Variants in ABL2 observed in about 807,000 individuals in gnomAD.
ABL2 encodes ABL proto-oncogene 2, non-receptor tyrosine kinase, also known as tyrosine-protein kinase ABL2.
In ABL2, 49 loss-of-function variants were observed where a neutral mutation model predicts 107.7. The observed-to-expected ratio is 0.45, with a 90% CI of 0.36 to 0.58. ABL2 has a LOEUF of 0.58. Among genes scored for constraint, ABL2 ranks in the 20% least tolerant of loss-of-function variants. ABL2 has a pLI of 0.00. For missense variants in ABL2, 1,245 were observed against 1,457.0 expected (o/e 0.85, Z 2.37); for synonymous variants, 549 against 548.6 (o/e 1.00, Z -0.01).
Position 179,134,715 on chromosome 1 carries a change from TCCCTCTCCCTCTCCCTCTCCACGGTCG to T in ABL2, c.158-1368_158-1342del, listed in dbSNP as rs1205162446. 1.5e-3 allele frequency among the ~76,000 whole-genome samples: 92 copies of T among 59,586 alleles called. 1 individual carries two copies. Among genetic ancestry groups the T allele is most frequent in the South Asian group, 8.9e-3 (18 of 2,022 alleles). 39.1% of individuals were successfully genotyped at this position (59,586 alleles called of 152,430 possible). ...AGGTGAAAATTGCAGCCTCAGCCTCTCCCTCTCCCTCTCCCTCTCCACGGTCGCCCTCTCCCTCTTTCCACGGTCTCC... is the reference window on the plus strand; with the variant it reads ...AGGTGAAAATTGCAGCCTCAGCCTCTCCCTCTCCCTCTTTCCACGGTCTCC... On this transcript the variant is annotated intron_variant, in intron 1 of 11. Transcript: ENST00000502732.
rs1028046717 is a variant in ABL2 at position 179,108,363 on chromosome 1, G to T, written c.2904C>A (p.Ser968=). ...GTCGGGGTCGGTCCTTGTCTCCAGA[G>T]GATGTGACCTGATGCTCAGATAAGA... ...FKLLSEHQVT[S]SGDKDRPRRV... The change falls in exon 12 of 12, where the codon TCC becomes TCA. Residue 968 remains serine, a synonymous_variant. Coordinates refer to ENST00000502732, the MANE Select transcript of ABL2 (RefSeq NM_007314.4). The T allele has an allele frequency of 6.2e-7, 1 of 1,614,242 alleles. No homozygotes were observed. The highest frequency in any genetic ancestry group is 1.3e-5 in the African/African-American group (1 of 75,054).
At chr1:179,123,427 C>T (rs544863888) in intron 4 of ABL2, among the ~76,000 whole-genome samples, 1 of 152,154 alleles carries the variant, frequency 6.6e-6, no homozygotes, top group East Asian at 1.9e-4. Context: ...ATTGCTTGAA[C>T]CTGGGAGGTG....
intron 1 of ABL2, among the ~76,000 whole-genome samples, chr1:179,200,409 T>C (rs1661598816): frequency 6.6e-6 from 1 of 152,196 alleles, no homozygotes; most frequent in African/African-American, 2.4e-5. Context: ...CTGAATAATA[T>C]ATTTCTATAC....
At chr1:179,128,039 A>G (rs1220010134) in intron 3 of ABL2, among the ~76,000 whole-genome samples, 2 of 151,872 alleles carry the variant, frequency 1.3e-5, no homozygotes, top group Non-Finnish European at 2.9e-5. Flanking sequence ...CTAAAAAAAA[A>G]AAAAAAAGCA....
At position 179,120,287 on chromosome 1, in the gene ABL2, AAAGGT is replaced by A; in HGVS notation, c.961-18_961-14del. ...CCATGGTATCTTCCTAGAAAAAGGG[AAAGGT>A]AAGAAAGAAGAAAACGAGAGGGACA... On this transcript the variant is annotated splice_polypyrimidine_tract_variant and intron_variant, in intron 5 of 11. Transcript: ENST00000502732. The A allele has an allele frequency of 6.4e-7, 1 of 1,569,070 alleles. No individual in the cohort carries two copies.
rs371957527 is a variant in ABL2 at position 179,127,530 on chromosome 1, T to A, written c.392-858A>T. On this transcript the variant is annotated intron_variant, in intron 3 of 11. Transcript: ENST00000502732. ...AACATCAAGTTCAGACTTCAACATATAACTTGCCCCGATACTTGCAGCACA... is the reference window on the plus strand; with the variant it reads ...AACATCAAGTTCAGACTTCAACATAAAACTTGCCCCGATACTTGCAGCACA... 1.6e-4 allele frequency among the ~76,000 whole-genome samples: 25 copies of A among 152,334 alleles called. 1 individual carries two copies. The East Asian group carries it at 4.8e-3, about 29-fold the overall frequency.
intron 7 of ABL2, among the ~76,000 whole-genome samples, chr1:179,117,893 T>C (rs1572629186): frequency 6.8e-6 from 1 of 146,120 alleles, no homozygotes; most frequent in South Asian, 2.2e-4. Flanking sequence ...CCAAGGTGGG[T>C]GTATCTCCTG....
At chr1:179,176,088 C>G (rs772076439) in intron 1 of ABL2, among the ~76,000 whole-genome samples, 22 of 152,004 alleles carry the variant, frequency 1.4e-4, no homozygotes, top group South Asian at 6.2e-4. Context: ...CTCCTGACCT[C>G]AAGTGACCCG....
At chr1:179,121,571 A>G (rs759770131) in intron 5 of ABL2, 24 bp downstream of exon 5, 21 of 1,601,032 alleles carry the variant, frequency 1.3e-5, no homozygotes, top group Non-Finnish European at 1.7e-5. Flanking sequence ...AGATGCCTGA[A>G]AACTGTAATT....
At chr1:179,196,764 A>T (rs372595761) in intron 1 of ABL2, among the ~76,000 whole-genome samples, 1 of 151,192 alleles carries the variant, frequency 6.6e-6, no homozygotes, top group African/African-American at 2.4e-5. Context: ...TCAGTCTTAA[A>T]AAACAAACAA....
chr1:179,127,623 T>TA (rs1655857518), intron 3 of ABL2, among the ~76,000 whole-genome samples: 1 of 152,234 alleles, frequency 6.6e-6, no homozygotes, highest in Non-Finnish European at 1.5e-5. Context: ...AATGCTAATC[T>TA]AAAGAATCCT....
At chr1:179,129,360 A>G (rs1379834312) in intron 3 of ABL2, among the ~76,000 whole-genome samples, 1 of 152,218 alleles carries the variant, frequency 6.6e-6, no homozygotes, top group Non-Finnish European at 1.5e-5. Context: ...AAAATCAAGT[A>G]TATTGTAGTC....
At chr1:179,179,392 G>T (rs538899442) in intron 1 of ABL2, among the ~76,000 whole-genome samples, 1 of 151,646 alleles carries the variant, frequency 6.6e-6, no homozygotes, top group African/African-American at 2.4e-5. Context: ...TTTAAAAGCC[G>T]AGATATTCAA....
Position 179,198,215 on chromosome 1 carries a change from A to G in ABL2, c.157+31026T>C, listed in dbSNP as rs1428377777. Among the ~76,000 whole-genome samples the G allele has an allele frequency of 7.3e-5, 11 of 151,094 alleles. No homozygotes were observed. The South Asian group carries it at 2.1e-3, about 29-fold the overall frequency. On this transcript the variant is annotated intron_variant, in intron 1 of 11. Coordinates refer to ENST00000502732, the MANE Select transcript of ABL2 (RefSeq NM_007314.4). ...AGTTTTCCAGGTGATTTTGATACAC[A>G]CTCCTAGTTTAAAAGAGAAGGAAAA...
At chr1:179,123,060 T>C (rs1655376062) in intron 4 of ABL2, among the ~76,000 whole-genome samples, 1 of 152,212 alleles carries the variant, frequency 6.6e-6, no homozygotes, top group Admixed American at 6.5e-5. Flanking sequence ...GGACTTGGCC[T>C]CTTGTAGAAA....
intron 1 of ABL2, among the ~76,000 whole-genome samples, chr1:179,228,314 T>A (rs1663344507): frequency 6.6e-6 from 1 of 151,680 alleles, no homozygotes; most frequent in Admixed American, 6.6e-5. Context: ...GCCATTGCAC[T>A]CCATCATGGG....
At chr1:179,184,792 C>T (rs897157844) in intron 1 of ABL2, among the ~76,000 whole-genome samples, 4 of 152,056 alleles carry the variant, frequency 2.6e-5, no homozygotes, top group Non-Finnish European at 4.4e-5. Context: ...GGCTCACTTG[C>T]CCTGTTCTTG....
chr1:179,216,844 C>G (rs550334287), intron 1 of ABL2, among the ~76,000 whole-genome samples: 1 of 151,730 alleles, frequency 6.6e-6, no homozygotes, highest in Non-Finnish European at 1.5e-5. Flanking sequence ...CCACCATGCC[C>G]GGCTAATTTT....
At position 179,107,996 on chromosome 1, in the gene ABL2, C is replaced by T. The variant is rs1483393971; in HGVS notation, c.3271G>A (p.Glu1091Lys). The change falls in exon 12 of 12, where the codon GAA becomes AAA. Residue 1091 changes from glutamate (E) to lysine (K), a missense_variant. This residue lies in a region of ABL2 where 761 missense variants were observed against 766.4 expected (regional missense o/e 0.99). Transcript: ENST00000502732. ...GCACTGGACAGTAGGTCAGCACATT[C>T]CAGCAGGGCCTCTTTGCTGATTTTG... ...ADKISKEALLECADLLSSALT... is the reference protein window; with the variant it reads ...ADKISKEALLKCADLLSSALT... 2 of 1,614,226 alleles carry T rather than the reference C, an allele frequency of 1.2e-6. No individual in the cohort carries two copies. The highest frequency in any genetic ancestry group is 4.5e-5 in the East Asian group (2 of 44,890).
Sources: allele counts gnomAD v4.1 joint callset (sites outside exome capture counted in the v4.1 genomes callset), GRCh38; gene constraint gnomAD v4.1.1; regional missense constraint gnomAD v4.1.1; transcripts MANE v1.5; gene names NCBI Gene and HGNC (gene_info 2026-07-23, HGNC 2026-07-21).